Variants in TCF4 observed in about 807,000 individuals in gnomAD.
The protein encoded by TCF4 is SL3-3 enhancer factor 2.
In TCF4, 3 loss-of-function variants were observed where a neutral mutation model predicts 82.1. The ratio of observed to expected loss-of-function variants is 0.04; its 90% confidence interval spans 0.02 to 0.09. The LOEUF is 0.09. Ranked by LOEUF, TCF4 falls within the 10% of genes least tolerant of loss-of-function variation. The probability of loss-of-function intolerance (pLI) is 1.00; values close to 1 mark genes in which losing one functional copy is unlikely to be tolerated. For synonymous variants in TCF4, 276 were observed against 309.6 expected (o/e 0.89, Z 1.14); for missense variants, 518 against 852.7 (o/e 0.61, Z 4.89).
intron 12 of TCF4, chr18:55,261,185 C>A (rs1302741991): frequency 2.6e-6 from 1 of 384,692 alleles, no homozygotes; most frequent in Non-Finnish European, 4.8e-6. Flanking sequence ...AAAAATAAGA[C>A]ATCAGTATAA....
chr18:55,562,588 T>A (rs1035358653), intron 3 of TCF4, among the ~76,000 whole-genome samples: 1 of 152,192 alleles, frequency 6.6e-6, no homozygotes, highest in Non-Finnish European at 1.5e-5. Context: ...TCCCCCTGAC[T>A]TCCTTGTACC....
chr18:55,364,767 G>A (rs1232063809), intron 6 of TCF4, among the ~76,000 whole-genome samples: 3 of 152,150 alleles, frequency 2.0e-5, no homozygotes, highest in African/African-American at 7.2e-5. Flanking sequence ...ATGTATATGA[G>A]ACAAGACCAC....
intron 1 of TCF4, chr18:55,631,538 G>A (rs1029349515): frequency 1.9e-5 from 12 of 646,912 alleles, no homozygotes; most frequent in Non-Finnish European, 3.0e-5. Context: ...AGAAACTCTT[G>A]ACAAATGACT....
Position 55,464,055 on chromosome 18 carries a change from G to A in TCF4, c.207+21C>T, listed in dbSNP as rs201227195. 1,384 of 1,612,518 alleles carry A rather than the reference G, an allele frequency of 8.6e-4. 2 individuals carry two copies. The highest frequency in any genetic ancestry group is 1.0e-3 in the Non-Finnish European group (1,212 of 1,178,712). On this transcript the variant is annotated intron_variant, in intron 4 of 19. Coordinates refer to ENST00000354452, the MANE Select transcript of TCF4 (RefSeq NM_001083962.2). ...ATATGTGGGATGTCTGGTTGTGGGAGAAAAGATTAGATATACTTACCCTGG... is the reference window on the plus strand; with the variant it reads ...ATATGTGGGATGTCTGGTTGTGGGAAAAAAGATTAGATATACTTACCCTGG...
chr18:55,574,032 T>C (rs1164198576), intron 3 of TCF4, among the ~76,000 whole-genome samples: 2 of 152,158 alleles, frequency 1.3e-5, no homozygotes, highest in Non-Finnish European at 2.9e-5. Context: ...ATGAGTACCA[T>C]CTACACATCC....
intron 17 of TCF4, chr18:55,230,786 G>A (rs922979823): frequency 1.3e-5 from 2 of 152,184 alleles, no homozygotes; most frequent in Non-Finnish European, 2.9e-5. Context: ...ACTTCCAAGT[G>A]GCAATAAGGA....
chr18:55,457,122 C>T (rs1437777085), intron 5 of TCF4, among the ~76,000 whole-genome samples: 1 of 152,210 alleles, frequency 6.6e-6, no homozygotes, highest in Non-Finnish European at 1.5e-5. Flanking sequence ...GTACTGACAT[C>T]TCTCAACCCT....
In TCF4 at chr18:55,390,086, T is replaced by A. The variant is rs150758428; in HGVS notation, c.369+13368A>T. ...TATCTATTTTTCTCAACTCACAATT[T>A]GGTAATTGCCAAATTTTACTCTGGC... is the stretch of plus-strand genomic sequence containing the variant. On this transcript the variant is annotated intron_variant, in intron 6 of 19. Transcript: ENST00000354452. 4.6e-5 allele frequency among the ~76,000 whole-genome samples: 7 copies of A among 152,102 alleles called. No individual in the cohort carries two copies. In the East Asian group the frequency reaches 1.4e-3, roughly 29 times the overall value.
chr18:55,364,519 A>G (rs1420932734), intron 6 of TCF4, among the ~76,000 whole-genome samples: 6 of 152,190 alleles, frequency 3.9e-5, no homozygotes, highest in Non-Finnish European at 5.9e-5. Context: ...TATTTGTTAT[A>G]AAAAATATAA....
intron 6 of TCF4, chr18:55,383,760 T>C (rs1162369796): frequency 2.6e-5 from 4 of 152,192 alleles, no homozygotes; most frequent in Admixed American, 1.3e-4. Flanking sequence ...GTGTCAGGCC[T>C]GGCGGTAAAA....
intron 3 of TCF4, chr18:55,510,557 T>C (rs1462613882): frequency 6.8e-7 from 1 of 1,469,154 alleles, no homozygotes; most frequent in East Asian, 2.5e-5. Flanking sequence ...GCTTTTAAAA[T>C]ACAAGTTACA....
In TCF4 at chr18:55,223,815, CAAA is replaced by C. The variant is rs2046229779; in HGVS notation, c.*4217_*4219del. 1 of 145,850 alleles carries C rather than the reference CAAA, an allele frequency of 6.9e-6. No homozygotes were observed. The highest frequency in any genetic ancestry group is 2.5e-5 in the African/African-American group (1 of 39,474). The allele number at this position is 145,850 out of a possible 1,614,324, so 9.0% of individuals were successfully genotyped here. On this transcript the variant is annotated 3_prime_UTR_variant, in exon 20 of 20. Coordinates refer to ENST00000354452, the MANE Select transcript of TCF4 (RefSeq NM_001083962.2). The stretch of plus-strand genomic sequence containing the variant: ...CTACAACTAAAAACAAAAACAAAAA[CAAA>C]AACAAAACAAAAAACAAACAAAAAA...
At chr18:55,279,474 C>T (rs1335755343) in intron 9 of TCF4, 77 bp downstream of exon 9, 12 of 1,602,996 alleles carry the variant, frequency 7.5e-6, no homozygotes, top group Non-Finnish European at 1.0e-5. Context: ...TCCATTTCTT[C>T]TGCCCCATCT....
chr18:55,260,758 C>T (rs1169255093), intron 12 of TCF4, among the ~76,000 whole-genome samples: 1 of 152,120 alleles, frequency 6.6e-6, no homozygotes, highest in East Asian at 1.9e-4. Context: ...CAGGGCTTCA[C>T]CGTGTTGGCC....
intron 5 of TCF4, chr18:55,423,630 G>A (rs2094866025): frequency 6.6e-6 from 1 of 152,258 alleles, no homozygotes; most frequent in South Asian, 2.1e-4. Flanking sequence ...AAACAACACA[G>A]AGCAGATGGG....
At chr18:55,589,926 G>T, upstream of TCF4, 1 of 755,566 alleles carries the variant, frequency 1.3e-6, no homozygotes, top group Non-Finnish European at 1.6e-6. Flanking sequence ...AGATGGCGGT[G>T]CTGGTCGACC....
chr18:55,358,754 C>G (rs1569173546), intron 6 of TCF4, among the ~76,000 whole-genome samples: 2 of 152,000 alleles, frequency 1.3e-5, no homozygotes, highest in Non-Finnish European at 2.9e-5. Context: ...TTCATAGGAG[C>G]CCATCTAATT....
At chr18:55,605,108 A>G (rs554107252) in intron 2 of TCF4, among the ~76,000 whole-genome samples, 2 of 152,260 alleles carry the variant, frequency 1.3e-5, no homozygotes, top group East Asian at 3.9e-4. Flanking sequence ...TCATCTCAAG[A>G]AAAGGGGGAG....
At chr18:55,310,902 T>G (rs994383857) in intron 8 of TCF4, among the ~76,000 whole-genome samples, 1 of 152,196 alleles carries the variant, frequency 6.6e-6, no homozygotes, top group African/African-American at 2.4e-5. Context: ...GTTACACTGA[T>G]AGAGGGTTCT....
Sources: allele counts gnomAD v4.1 joint callset (sites outside exome capture counted in the v4.1 genomes callset), GRCh38; gene constraint gnomAD v4.1.1; transcripts MANE v1.5; gene names NCBI Gene and HGNC (gene_info 2026-07-23, HGNC 2026-07-21).